Variants in MTFMT observed in about 807,000 individuals in gnomAD.
MTFMT encodes mitochondrial methionyl-tRNA formyltransferase.
In MTFMT, 47 loss-of-function variants were observed where a neutral mutation model predicts 51.8. The observed-to-expected ratio is 0.91, with a 90% CI of 0.72 to 1.16. The LOEUF (loss-of-function observed/expected upper bound fraction) is 1.16. Ranked by LOEUF, MTFMT falls within the 50% of genes most tolerant of loss-of-function variation. The probability of loss-of-function intolerance (pLI) is 0.00; values close to 1 mark genes in which losing one functional copy is unlikely to be tolerated. For missense variants in MTFMT, 512 were observed against 482.3 expected, an observed-to-expected ratio of 1.06 and a Z score of -0.58; for synonymous variants, 196 against 176.7, an observed-to-expected ratio of 1.11 and a Z score of -0.87.
At chr15:65,024,084 T>A (rs1415162955) in intron 2 of MTFMT, among the ~76,000 whole-genome samples, 1 of 152,044 alleles carries the variant, frequency 6.6e-6, no homozygotes, top group Non-Finnish European at 1.5e-5. Context: ...CCCAGCACTT[T>A]GAGAGGCCGA....
rs2086395115 is a variant in MTFMT, at chr15:65,023,699, AC to A, written c.514del (p.Val172Ter). 6.2e-7 allele frequency: 1 copy of A among 1,613,540 alleles called. No homozygotes were observed. The highest frequency in any genetic ancestry group is 2.2e-5 in the East Asian group (1 of 44,874). On this transcript the variant is annotated frameshift_variant, in exon 3 of 9. Transcript: ENST00000220058. LOFTEE classifies it high-confidence loss of function. ...TVLHGDTVTG[V>X]TIMQIRPKRF... ...TTTAGGTCTAATTTGCATAATTGTT[AC>A]TCCAGTAACTGTGTCTCCGTGAAGC...
At position 65,026,950 on chromosome 15, in the gene MTFMT, A is replaced by G; in HGVS notation, c.300T>C (p.Ala100=). ...CATATACGGGAAGCTGAGACTGCAC[A>G]GCATATTGCTTCACTGGCAGTCCTT... ...SPKGLPVKQY[A]VQSQLPVYEW... The change falls in exon 2 of 9, where the codon GCT becomes GCC. Residue 100 remains alanine (A), a synonymous_variant. Transcript: ENST00000220058. 2 of 1,614,022 alleles carry G rather than the reference A, an allele frequency of 1.2e-6. No individual in the cohort carries two copies.
In MTFMT at chr15:65,026,889, C is replaced by CA. The variant is rs752536034; in HGVS notation, c.360dup (p.Gly121TrpfsTer12). On this transcript the variant is annotated frameshift_variant, in exon 2 of 9. Coordinates refer to ENST00000220058, the MANE Select transcript of MTFMT (RefSeq NM_139242.4). LOFTEE classifies it high-confidence loss of function. ...AGTCGGCCAAACGAAGCCACTACTC[C>CA]AACATCATATTCTCCAGATCCCACA... is the stretch of plus-strand genomic sequence containing the variant. 1 of 1,613,938 alleles carries CA rather than the reference C, an allele frequency of 6.2e-7. No homozygotes were observed. The highest frequency in any genetic ancestry group is 8.5e-7 in the Non-Finnish European group (1 of 1,179,878).
At chr15:65,010,973 T>C (rs1210451657) in intron 6 of MTFMT, among the ~76,000 whole-genome samples, 2 of 152,204 alleles carry the variant, frequency 1.3e-5, no homozygotes, top group South Asian at 2.1e-4. Context: ...ACAGATGAAG[T>C]TGCTGATCTT....
chr15:65,020,882 G>A (rs919995180), intron 4 of MTFMT, among the ~76,000 whole-genome samples: 7 of 152,136 alleles, frequency 4.6e-5, no homozygotes, highest in Non-Finnish European at 7.4e-5. Flanking sequence ...TTCAATAAAC[G>A]GCAGTCACTA....
intron 5 of MTFMT, among the ~76,000 whole-genome samples, chr15:65,018,794 A>G (rs1308706314): frequency 6.6e-6 from 1 of 152,208 alleles, no homozygotes; most frequent in Non-Finnish European, 1.5e-5. Context: ...AACACAATCA[A>G]TGAAAATCTA....
intron 2 of MTFMT, among the ~76,000 whole-genome samples, 185 bp from the exon 3 acceptor site, chr15:65,023,979 A>C (rs1186385576): frequency 6.6e-6 from 1 of 152,206 alleles, no homozygotes; most frequent in East Asian, 1.9e-4. Context: ...CTCTTACCAT[A>C]AGAAACCAAT....
At chr15:65,027,288 C>G (rs774868691) in intron 1 of MTFMT, among the ~76,000 whole-genome samples, 1 of 151,722 alleles carries the variant, frequency 6.6e-6, no homozygotes, top group East Asian at 1.9e-4. Context: ...ACCTCTGCCC[C>G]CTAGGTTCAA....
intron 6 of MTFMT, among the ~76,000 whole-genome samples, chr15:65,015,550 C>T (rs2086312997): frequency 6.6e-6 from 1 of 151,992 alleles, no homozygotes; most frequent in Non-Finnish European, 1.5e-5. Context: ...AAAAACCACA[C>T]ACTTGGCCAG....
At chr15:65,013,394 T>C (rs1426511546) in intron 6 of MTFMT, among the ~76,000 whole-genome samples, 1 of 152,010 alleles carries the variant, frequency 6.6e-6, no homozygotes, top group East Asian at 1.9e-4. Flanking sequence ...GGACTACAAG[T>C]GTCCACCACT....
intron 6 of MTFMT, among the ~76,000 whole-genome samples, chr15:65,014,409 C>T (rs2086298863): frequency 6.6e-6 from 1 of 150,890 alleles, no homozygotes; most frequent in African/African-American, 2.4e-5. Flanking sequence ...TCATAACCTC[C>T]ACCTCCTGGG....
Position 65,029,541 on chromosome 15 carries a change from GGGGACTC to G in MTFMT, c.66_72del (p.Pro24GlyfsTer52). 6.6e-7 allele frequency: 1 copy of G among 1,515,844 alleles called. No homozygotes were observed. The highest frequency in any genetic ancestry group is 8.8e-7 in the Non-Finnish European group (1 of 1,132,954). 93.9% of individuals were successfully genotyped at this position (1,515,844 alleles called of 1,614,324 possible). On this transcript the variant is annotated frameshift_variant, in exon 1 of 9. Coordinates refer to ENST00000220058, the MANE Select transcript of MTFMT (RefSeq NM_139242.4). LOFTEE classifies it high-confidence loss of function. ...CCGAGTCGGGCCAGTGCTCGCCACT[GGGGACTC>G]GGCCTCCCACGCCTGGCGCCATGAG...
intron 3 of MTFMT, among the ~76,000 whole-genome samples, chr15:65,023,385 T>A (rs1040418238): frequency 1.3e-5 from 2 of 152,192 alleles, no homozygotes; most frequent in African/African-American, 4.8e-5. Context: ...AATCCATCTC[T>A]CATTTATACA....
At chr15:65,016,331 G>T in intron 6 of MTFMT, 105 bp downstream of exon 6, 3 of 655,608 alleles carry the variant, frequency 4.6e-6, no homozygotes, top group East Asian at 2.7e-5. Context: ...CCTTTTATTT[G>T]GGATATTTTT....
rs2086218956 is a variant in MTFMT, at chr15:65,006,310, T to G, written c.814-119A>C. The G allele has an allele frequency of 4.3e-6, 3 of 690,118 alleles. No homozygotes were observed. The East Asian group carries it at 8.9e-5, about 21-fold the overall frequency. 42.7% of individuals were successfully genotyped at this position (690,118 alleles called of 1,614,324 possible). A position where few individuals can be genotyped will look rare whatever the true frequency, so the allele number is the denominator to read the frequency against. On this transcript the variant is annotated intron_variant, in intron 6 of 8. Transcript: ENST00000220058. ...TCAATTAGAGGAATTGGGAACTCAG[T>G]CACTAAGTTTGATGGAACAGACCGT...
At chr15:65,029,284 C>A (rs2086457539) in intron 1 of MTFMT, 121 bp downstream of exon 1, 2 of 1,322,026 alleles carry the variant, frequency 1.5e-6, no homozygotes, top group Non-Finnish European at 1.9e-6. Context: ...GAGATCTGGG[C>A]CCACACCGCT....
intron 5 of MTFMT, among the ~76,000 whole-genome samples, chr15:65,019,262 T>G (rs941652089): frequency 2.0e-5 from 3 of 152,246 alleles, no homozygotes; most frequent in Non-Finnish European, 4.4e-5. Context: ...CTTGGCTTAC[T>G]CAAGTGGTAC....
intron 6 of MTFMT, among the ~76,000 whole-genome samples, chr15:65,007,464 TGATA>T (rs1474347810): frequency 6.6e-6 from 1 of 152,248 alleles, no homozygotes; most frequent in Non-Finnish European, 1.5e-5. Context: ...ACTACCTTTA[TGATA>T]GATATTTGTT....
intron 8 of MTFMT, among the ~76,000 whole-genome samples, chr15:65,003,854 A>AAAAAAAAAAAAAAAAAAAAG (rs2086199102): frequency 6.7e-6 from 1 of 149,244 alleles, no homozygotes; most frequent in Non-Finnish European, 1.5e-5. Flanking sequence ...TCAAAAAAAA[A>AAAAAAAAAAAAAAAAAAAAG]AAAAAAAAAA....
Sources: allele counts gnomAD v4.1 joint callset (sites outside exome capture counted in the v4.1 genomes callset), GRCh38; gene constraint gnomAD v4.1.1; transcripts MANE v1.5; gene names NCBI Gene and HGNC (gene_info 2026-07-23, HGNC 2026-07-21).